The following CACNA2D2 variants were observed in gnomAD, a reference collection of about 807,000 sequenced individuals.
The protein encoded by CACNA2D2 is voltage-dependent calcium channel subunit alpha-2/delta-2.
In CACNA2D2, 48 loss-of-function variants were observed where a neutral mutation model predicts 166.4. The ratio of observed to expected loss-of-function variants is 0.29; its 90% confidence interval spans 0.23 to 0.37. The LOEUF is 0.37. CACNA2D2 is among the 10% of genes least tolerant of loss of function. The pLI, the probability that CACNA2D2 is intolerant of heterozygous loss-of-function variation, is 1.00. For synonymous variants in CACNA2D2, 561 were observed against 573.7 expected, an observed-to-expected ratio of 0.98 and a Z score of 0.32; for missense variants, 1,122 against 1,433.0, an observed-to-expected ratio of 0.78 and a Z score of 3.50.
In CACNA2D2 at chr3:50,378,985, C is replaced by T. The variant is rs1308426349; in HGVS notation, c.1269G>A (p.Val423=). ...KYNWPNRTVR[V]FTFSVGQHNY... is the part of the protein sequence containing the mutation. ...TATGCTGCCCCACGGAGAAAGTAAACACGCGCACCTGTGGGGGGTTTGAGG... is the reference window on the plus strand; with the variant it reads ...TATGCTGCCCCACGGAGAAAGTAAATACGCGCACCTGTGGGGGGTTTGAGG... Residue 423 remains valine (V), a synonymous_variant, in exon 13 of 38, where the codon GTG becomes GTA. Transcript: ENST00000424201. 4 of 1,613,824 alleles carry T rather than the reference C, an allele frequency of 2.5e-6. No homozygotes were observed. In the African/African-American group the frequency reaches 4.0e-5, roughly 16 times the overall value.
chr3:50,401,829 C>A (rs769820206), intron 3 of CACNA2D2, among the ~76,000 whole-genome samples: 1 of 152,080 alleles, frequency 6.6e-6, no homozygotes, highest in Admixed American at 6.5e-5. Context: ...CTGCCTCAGC[C>A]TCCCGAGTAG....
At chr3:50,401,210 C>A (rs1276320229) in intron 3 of CACNA2D2, among the ~76,000 whole-genome samples, 1 of 152,154 alleles carries the variant, frequency 6.6e-6, no homozygotes, top group Non-Finnish European at 1.5e-5. Flanking sequence ...TTTTCCCTCA[C>A]AGGACTCATG....
intron 22 of CACNA2D2, 38 bp downstream of exon 22, chr3:50,374,681 CCAGGGTGCGGGGCAGAGG>C: frequency 1.9e-6 from 3 of 1,548,256 alleles, no homozygotes; most frequent in South Asian, 1.2e-5. Context: ...CTGGGGCCGG[CCAGGGTGCGGGGCAGAGG>C]CAGGGTGCAG....
At chr3:50,440,289 G>A (rs1708527995) in intron 2 of CACNA2D2, among the ~76,000 whole-genome samples, 2 of 152,348 alleles carry the variant, frequency 1.3e-5, no homozygotes, top group South Asian at 4.1e-4. Context: ...GGGGCCCCTG[G>A]AGCCCTCAGG....
intron 2 of CACNA2D2, 47 bp from the exon 3 acceptor site, chr3:50,434,476 C>T (rs1708219451): frequency 2.2e-6 from 3 of 1,361,954 alleles, no homozygotes; most frequent in Non-Finnish European, 3.2e-6. Flanking sequence ...GTCCCACGTC[C>T]TCATGCCATG....
At chr3:50,422,889 G>A (rs1210594852) in intron 3 of CACNA2D2, among the ~76,000 whole-genome samples, 1 of 152,224 alleles carries the variant, frequency 6.6e-6, no homozygotes, top group Non-Finnish European at 1.5e-5. Flanking sequence ...TATTTCAGAA[G>A]TAAACAGGAT....
rs545527108 is a variant in CACNA2D2 at position 50,455,229 on chromosome 3, C to T, written c.289-20800G>A. ...ACACATACTCGGACCCTCGCCCATG[C>T]GGACAAGCACCGGAGGCATTTGGTG... On this transcript the variant is annotated intron_variant, in intron 2 of 37. Transcript: ENST00000424201. Among the ~76,000 whole-genome samples, 10 of 152,364 alleles carry T rather than the reference C, an allele frequency of 6.6e-5. No homozygotes were observed. The East Asian group carries it at 1.9e-3, about 29-fold the overall frequency.
At chr3:50,463,982 G>A (rs1709704759) in intron 2 of CACNA2D2, among the ~76,000 whole-genome samples, 1 of 152,214 alleles carries the variant, frequency 6.6e-6, no homozygotes, top group South Asian at 2.1e-4. Context: ...CGCCCTGGGT[G>A]GGCTCGGTTG....
In CACNA2D2 at chr3:50,484,460, C is replaced by T. The variant is rs180753439; in HGVS notation, c.207-8261G>A. Among the ~76,000 whole-genome samples the T allele has an allele frequency of 1.7e-4, 26 of 152,306 alleles. No individual in the cohort carries two copies. In the East Asian group the frequency reaches 4.8e-3, roughly 28 times the overall value. The stretch of plus-strand genomic sequence containing the variant: ...AACCCAAGTCCACCCAGTGGCCGCA[C>T]CCCCAGTAGCTTCCCTGACCTCACC... On this transcript the variant is annotated intron_variant, in intron 1 of 37. Transcript: ENST00000424201.
At chr3:50,439,431 C>T (rs1028302194) in intron 2 of CACNA2D2, among the ~76,000 whole-genome samples, 3 of 152,254 alleles carry the variant, frequency 2.0e-5, no homozygotes, top group African/African-American at 7.2e-5. Context: ...AGATTTGACG[C>T]AGGCTTGGCC....
chr3:50,461,176 G>C (rs1336335611), intron 2 of CACNA2D2, among the ~76,000 whole-genome samples: 1 of 152,188 alleles, frequency 6.6e-6, no homozygotes, highest in Non-Finnish European at 1.5e-5. Flanking sequence ...CTGAACACTG[G>C]GCAAAGGGAG....
Position 50,365,997 on chromosome 3 carries a change from C to T in CACNA2D2, c.2862+14G>A, listed in dbSNP as rs764792607. 4.3e-6 allele frequency: 7 copies of T among 1,611,606 alleles called. No homozygotes were observed. In the Admixed American group the frequency reaches 1.2e-4, roughly 27 times the overall value. On this transcript the variant is annotated intron_variant, in intron 32 of 37. Coordinates refer to ENST00000424201, the MANE Select transcript of CACNA2D2 (RefSeq NM_006030.4). The surrounding 1 kb of genome is among the most constrained non-coding windows in gnomAD (Gnocchi z 4.5). ...TCCCCCCCATCTCCAGTCCAGGCATCTCTGGGGACTCACCACAAAGACACC... is the reference window on the plus strand; with the variant it reads ...TCCCCCCCATCTCCAGTCCAGGCATTTCTGGGGACTCACCACAAAGACACC...
Position 50,367,168 on chromosome 3 carries a change from G to T in CACNA2D2, c.2402-59C>A. The T allele has an allele frequency of 7.5e-7, 1 of 1,331,442 alleles. No individual in the cohort carries two copies. Among genetic ancestry groups the T allele is most frequent in the Non-Finnish European group, 1.1e-6 (1 of 935,336 alleles). The allele number at this position is 1,331,442 out of a possible 1,614,324, so 82.5% of individuals were successfully genotyped here. On this transcript the variant is annotated intron_variant, in intron 27 of 37. Transcript: ENST00000424201. This position sits in a 1 kb window ranked among gnomAD's most constrained non-coding sequence, Gnocchi z 6.5. ...CTGGCGGCCACACTGACCACTCTAT[G>T]CTGGGTCCTACAAACCCAGCAGTCC...
chr3:50,420,162 C>G (rs185200164), intron 3 of CACNA2D2, among the ~76,000 whole-genome samples: 102 of 152,354 alleles, frequency 6.7e-4, no homozygotes, highest in African/African-American at 2.3e-3. Context: ...AGAGAATTCA[C>G]GTCCTGACAT....
intron 3 of CACNA2D2, 93 bp downstream of exon 3, chr3:50,434,220 G>A (rs1708203141): frequency 3.5e-6 from 3 of 855,074 alleles, no homozygotes; most frequent in East Asian, 4.9e-5. Context: ...AGGGCCACGT[G>A]ATGAAGGCTC....
rs572850671 is a variant in CACNA2D2, at chr3:50,479,508, G to T, written c.207-3309C>A. Reference sequence around the variant, plus strand: ...CATTGTCACAGAGATGTGACTTTGTGGGTTCTAGGACTTCGCCAGTGTCCC... The same window carrying T: ...CATTGTCACAGAGATGTGACTTTGTTGGTTCTAGGACTTCGCCAGTGTCCC... On this transcript the variant is annotated intron_variant, in intron 1 of 37. Coordinates refer to ENST00000424201, the MANE Select transcript of CACNA2D2 (RefSeq NM_006030.4). 2.4e-4 allele frequency among the ~76,000 whole-genome samples: 37 copies of T among 152,364 alleles called. No individual in the cohort carries two copies. The South Asian group carries it at 6.6e-3, about 27-fold the overall frequency.
Position 50,365,300 on chromosome 3 carries a change from C to G in CACNA2D2, c.3098+56G>C. On this transcript the variant is annotated intron_variant, in intron 35 of 37. Transcript: ENST00000424201. The surrounding 1 kb of genome is among the most constrained non-coding windows in gnomAD (Gnocchi z 4.5). ...CCGCCCCTTCCATCCTCCCGAGCGT[C>G]TCGCCCCGCTCACAGGTTCCGCCCT... 3 of 1,590,124 alleles carry G rather than the reference C, an allele frequency of 1.9e-6. No homozygotes were observed. The highest frequency in any genetic ancestry group is 2.6e-6 in the Non-Finnish European group (3 of 1,168,210).
In CACNA2D2 at chr3:50,379,601, A is replaced by G; in HGVS notation, c.994-11T>C. ...TGCCTTCTCGTTGAACTGCAGGAAC[A>G]GTAGGGTGGTGAGTGGCCTCAGGCT... On this transcript the variant is annotated splice_polypyrimidine_tract_variant and intron_variant, in intron 10 of 37. Transcript: ENST00000424201. The surrounding 1 kb of genome is among the most constrained non-coding windows in gnomAD (Gnocchi z 6.5). 6.2e-7 allele frequency: 1 copy of G among 1,613,680 alleles called. No homozygotes were observed. The highest frequency in any genetic ancestry group is 8.5e-7 in the Non-Finnish European group (1 of 1,179,878).
intron 3 of CACNA2D2, 61 bp from the exon 4 acceptor site, chr3:50,394,229 C>T: frequency 1.4e-6 from 2 of 1,400,508 alleles, no homozygotes; most frequent in Non-Finnish European, 2.0e-6. Context: ...TATGCCCACC[C>T]CAAAGCCTCT....
Sources: gnomAD v4.1 joint callset for allele counts (sites outside exome capture counted in the v4.1 genomes callset) on GRCh38, gnomAD v4.1.1 for gene constraint, Gnocchi (gnomAD v3.1) non-coding constraint, MANE v1.5 for transcripts, NCBI Gene and HGNC (gene_info 2026-07-23, HGNC 2026-07-21) for gene names.